Variants in MPPED2 observed in about 807,000 individuals in gnomAD.
MPPED2 encodes metallophosphoesterase MPPED2.
A neutral mutation model predicts 33.0 loss-of-function variants in MPPED2; 5 were observed. The observed-to-expected ratio is 0.15, with a 90% CI of 0.08 to 0.32. MPPED2 has a LOEUF of 0.32. MPPED2 is among the 10% of genes least tolerant of loss of function. The pLI is 1.00. For missense variants in MPPED2, 275 were observed against 372.1 expected, an observed-to-expected ratio of 0.74 and a Z score of 2.15; for synonymous variants, 136 against 141.9, an observed-to-expected ratio of 0.96 and a Z score of 0.29.
In MPPED2 at chr11:30,455,629, C is replaced by T. The variant is rs920030052; in HGVS notation, c.537-37996G>A. Reference sequence around the variant, plus strand: ...GCCAAAAGGTGGCTTCTACAACTTACGCTTTCCTCCCCATATGGGATGGTA... The same window carrying T: ...GCCAAAAGGTGGCTTCTACAACTTATGCTTTCCTCCCCATATGGGATGGTA... On this transcript the variant is annotated intron_variant, in intron 4 of 6. Transcript: ENST00000358117. Among the ~76,000 whole-genome samples the T allele has an allele frequency of 4.6e-5, 7 of 152,334 alleles. 1 individual carries two copies. The highest frequency in any genetic ancestry group is 1.2e-4 in the African/African-American group (5 of 41,580).
At chr11:30,494,857 C>A (rs1952179896) in intron 4 of MPPED2, among the ~76,000 whole-genome samples, 1 of 150,722 alleles carries the variant, frequency 6.6e-6, no homozygotes, top group Non-Finnish European at 1.5e-5. Context: ...ATCCTTAAAC[C>A]ATAAAACATA....
chr11:30,386,810 A>G, exon 7 of MPPED2: 1 of 398,604 alleles, frequency 2.5e-6, no homozygotes, highest in East Asian at 3.6e-5. Context: ...TATTAGTAGG[A>G]TTATTATACA....
chr11:30,441,107 T>C (rs1005462386), intron 4 of MPPED2, among the ~76,000 whole-genome samples: 14 of 152,174 alleles, frequency 9.2e-5, no homozygotes, highest in Admixed American at 4.6e-4. Context: ...CAGAACACTC[T>C]TTTGGAAATA....
intron 3 of MPPED2, among the ~76,000 whole-genome samples, chr11:30,499,476 A>G (rs554136811): frequency 5.3e-5 from 8 of 152,270 alleles, no homozygotes; most frequent in African/African-American, 1.7e-4. Context: ...TTGGATTCTC[A>G]TAGTAGGGAT....
chr11:30,402,867 T>C (rs542740722), intron 6 of MPPED2, among the ~76,000 whole-genome samples: 1 of 152,344 alleles, frequency 6.6e-6, no homozygotes, highest in South Asian at 2.1e-4. Flanking sequence ...ACAGATTCCA[T>C]TCATAAGATG....
chr11:30,507,025 A>C (rs1031278359), intron 3 of MPPED2, among the ~76,000 whole-genome samples: 1 of 152,254 alleles, frequency 6.6e-6, no homozygotes. Context: ...ATTAGACTAA[A>C]ATATAGAAAT....
intron 3 of MPPED2, among the ~76,000 whole-genome samples, chr11:30,515,055 A>G (rs1054129497): frequency 5.9e-5 from 9 of 152,192 alleles, no homozygotes; most frequent in African/African-American, 2.2e-4. Flanking sequence ...AGATTGCACC[A>G]CTGCACTCCA....
chr11:30,527,964 C>A (rs1034763861), intron 3 of MPPED2, among the ~76,000 whole-genome samples: 4 of 152,354 alleles, frequency 2.6e-5, no homozygotes, highest in African/African-American at 7.2e-5. Flanking sequence ...TCTTACTTAA[C>A]TTCACAGCAA....
At chr11:30,495,679 T>C (rs965098147) in intron 3 of MPPED2, among the ~76,000 whole-genome samples, 158 bp from the exon 4 acceptor site, 2 of 152,222 alleles carry the variant, frequency 1.3e-5, no homozygotes, top group African/African-American at 4.8e-5. Flanking sequence ...TACTACTTTA[T>C]GCTAACAAAA....
intron 4 of MPPED2, among the ~76,000 whole-genome samples, chr11:30,486,864 C>A (rs373763768): frequency 1.3e-5 from 2 of 152,284 alleles, no homozygotes; most frequent in Admixed American, 1.3e-4. Flanking sequence ...CATCTCTAGT[C>A]TTTCCGTTTT....
chr11:30,520,493 C>T (rs554654286), intron 3 of MPPED2, among the ~76,000 whole-genome samples: 4 of 152,174 alleles, frequency 2.6e-5, no homozygotes, highest in African/African-American at 9.6e-5. Flanking sequence ...AGAAGACTTC[C>T]TTTTGTTTGC....
intron 4 of MPPED2, among the ~76,000 whole-genome samples, chr11:30,451,016 T>G (rs1309185513): frequency 6.6e-6 from 1 of 152,182 alleles, no homozygotes; most frequent in African/African-American, 2.4e-5. Flanking sequence ...GTGAGCACAA[T>G]TGTATCATGA....
At chr11:30,465,973 G>C (rs1160692889) in intron 4 of MPPED2, among the ~76,000 whole-genome samples, 2 of 152,118 alleles carry the variant, frequency 1.3e-5, no homozygotes, top group Admixed American at 1.3e-4. Flanking sequence ...TAATTACAAG[G>C]CCTTCCCCAA....
At chr11:30,583,398 TTTTC>T (rs1957287436) in intron 1 of MPPED2, among the ~76,000 whole-genome samples, 1 of 152,126 alleles carries the variant, frequency 6.6e-6, no homozygotes, top group African/African-American at 2.4e-5. Flanking sequence ...TTTTCATAAA[TTTTC>T]ATTTTATACT....
intron 4 of MPPED2, among the ~76,000 whole-genome samples, chr11:30,436,010 G>A (rs146730192): frequency 3.9e-4 from 59 of 151,136 alleles, no homozygotes; most frequent in African/African-American, 1.3e-3. Context: ...TCCTTTATGC[G>A]GTGTTCCTTC....
At chr11:30,581,583 T>A (rs1957169516) in intron 1 of MPPED2, among the ~76,000 whole-genome samples, 1 of 152,264 alleles carries the variant, frequency 6.6e-6, no homozygotes, top group African/African-American at 2.4e-5. Context: ...GCTCTGAGAA[T>A]CTTATCTGCT....
At chr11:30,480,903 C>T (rs1951455982) in intron 4 of MPPED2, among the ~76,000 whole-genome samples, 1 of 152,004 alleles carries the variant, frequency 6.6e-6, no homozygotes, top group South Asian at 2.1e-4. Context: ...ACTCTATCTC[C>T]ACAGGTAGGT....
chr11:30,449,810 G>C (rs568101400), intron 4 of MPPED2, among the ~76,000 whole-genome samples: 7 of 152,138 alleles, frequency 4.6e-5, no homozygotes, highest in African/African-American at 1.7e-4. Context: ...CCAGCACCAA[G>C]ATAAGTCTGC....
chr11:30,519,576 T>C (rs1953738087), intron 3 of MPPED2, among the ~76,000 whole-genome samples: 2 of 151,988 alleles, frequency 1.3e-5, no homozygotes, highest in South Asian at 4.2e-4. Flanking sequence ...TATATATGTG[T>C]CTATATATAC....
Sources: allele counts gnomAD v4.1 joint callset (sites outside exome capture counted in the v4.1 genomes callset), GRCh38; gene constraint gnomAD v4.1.1; transcripts MANE v1.5; gene names NCBI Gene and HGNC (gene_info 2026-07-23, HGNC 2026-07-21).